The following AKNAD1 variants were observed in gnomAD, a reference collection of about 807,000 sequenced individuals.
The protein encoded by AKNAD1 is AKNA domain containing 1, also known as protein AKNAD1.
In AKNAD1, 67 loss-of-function variants were observed where a neutral mutation model predicts 90.8. That is an observed-to-expected ratio of 0.74 (90% confidence interval 0.61 to 0.90). AKNAD1 has a LOEUF of 0.90. Among genes scored for constraint, AKNAD1 ranks in the 40% least tolerant of loss-of-function variants. AKNAD1 has a pLI of 0.00. For synonymous variants in AKNAD1, 327 were observed against 341.4 expected, an observed-to-expected ratio of 0.96 and a Z score of 0.46; for missense variants, 957 against 975.4, an observed-to-expected ratio of 0.98 and a Z score of 0.25.
intron 9 of AKNAD1, among the ~76,000 whole-genome samples, chr1:108,833,670 G>A (rs1664281179): frequency 6.8e-6 from 1 of 147,326 alleles, no homozygotes; most frequent in South Asian, 2.1e-4. Context: ...TAATAAGCAT[G>A]TATCAGTTTT....
In AKNAD1 at chr1:108,827,402, GC is replaced by G. The variant is rs1664038134; in HGVS notation, c.1839-101del. The G allele has an allele frequency of 3.5e-6, 3 of 859,066 alleles. No homozygotes were observed. The Admixed American group carries it at 5.8e-5, about 17-fold the overall frequency. The allele number at this position is 859,066 out of a possible 1,614,324, so 53.2% of individuals were successfully genotyped here. A position where few individuals can be genotyped will look rare whatever the true frequency, so the allele number is the denominator to read the frequency against. Reference sequence around the variant, plus strand: ...AAACGTTAAATTTTGTTATATTAGAGCCTGGAACAGTGTAGGAGGGGCTTGT... The same window carrying G: ...AAACGTTAAATTTTGTTATATTAGAGCTGGAACAGTGTAGGAGGGGCTTGT... On this transcript the variant is annotated intron_variant, in intron 10 of 15. Coordinates refer to ENST00000370001, the MANE Select transcript of AKNAD1 (RefSeq NM_152763.5).
intron 1 of AKNAD1, among the ~76,000 whole-genome samples, chr1:108,855,904 T>A (rs1213545801): frequency 1.3e-5 from 2 of 148,158 alleles, no homozygotes. Context: ...TTAGACAAGG[T>A]CTCACTCTAT....
At chr1:108,856,036 A>G (rs1167110635) in intron 1 of AKNAD1, among the ~76,000 whole-genome samples, 2 of 151,394 alleles carry the variant, frequency 1.3e-5, no homozygotes, top group Non-Finnish European at 2.9e-5. Flanking sequence ...TTTTTTTTTT[A>G]GAGATGGAGT....
At chr1:108,842,093 C>T (rs1016444248) in intron 6 of AKNAD1, among the ~76,000 whole-genome samples, 3 of 152,010 alleles carry the variant, frequency 2.0e-5, no homozygotes, top group African/African-American at 7.3e-5. Flanking sequence ...TTCTTTCTTC[C>T]TCTCCCCCCA....
chr1:108,830,685 G>A (rs767861873), intron 9 of AKNAD1, 35 bp from the exon 10 acceptor site: 23 of 1,607,328 alleles, frequency 1.4e-5, no homozygotes, highest in Non-Finnish European at 1.9e-5. Flanking sequence ...AGATGTGATA[G>A]AGGATGTGAC....
At chr1:108,830,774 G>A (rs755602166) in intron 9 of AKNAD1, 124 bp from the exon 10 acceptor site, 13 of 827,908 alleles carry the variant, frequency 1.6e-5, no homozygotes, top group Non-Finnish European at 2.6e-5. Flanking sequence ...AGAGAGACTC[G>A]CCAAACCTCT....
chr1:108,848,625 G>C, intron 5 of AKNAD1, 127 bp downstream of exon 5: 1 of 830,308 alleles, frequency 1.2e-6, no homozygotes, highest in African/African-American at 1.7e-5. Context: ...AACAAAGATG[G>C]TTTAATCTTT....
chr1:108,852,171 G>T lies in AKNAD1; in HGVS notation c.494C>A (p.Thr165Asn), dbSNP rs140527469. 11 of 1,613,846 alleles carry T rather than the reference G, an allele frequency of 6.8e-6. No homozygotes were observed. The African/African-American group carries it at 1.5e-4, about 22-fold the overall frequency. Residue 165 changes from threonine to asparagine, a missense_variant, in exon 2 of 16, where the codon ACC (threonine) becomes AAC (asparagine). Transcript: ENST00000370001. ...YNKNSWPKEQ[T>N]PELTDQLNPK... ...GTTGAGTTGGTCAGTGAGTTCTGGG[G>T]TTTGTTCTTTTGGCCAAGAATTCTT... is the stretch of plus-strand genomic sequence containing the variant.
chr1:108,840,654 A>C (rs1664526063), intron 6 of AKNAD1, among the ~76,000 whole-genome samples: 1 of 152,222 alleles, frequency 6.6e-6, no homozygotes, highest in African/African-American at 2.4e-5. Context: ...CACATAGATC[A>C]ATGGGATGGA....
intron 5 of AKNAD1, among the ~76,000 whole-genome samples, chr1:108,844,397 T>C (rs1263016594): frequency 3.4e-5 from 5 of 147,724 alleles, no homozygotes; most frequent in Admixed American, 6.7e-5. Context: ...TATATATATA[T>C]ACCAAAGCCA....
At chr1:108,834,636 C>T (rs900256836) in intron 8 of AKNAD1, 108 bp from the exon 9 acceptor site, 6 of 1,157,752 alleles carry the variant, frequency 5.2e-6, no homozygotes, top group East Asian at 2.6e-5. Flanking sequence ...ATGGTGGGAG[C>T]GAGCAACCTA....
chr1:108,850,435 T>C (rs1208425484), intron 2 of AKNAD1, among the ~76,000 whole-genome samples: 1 of 152,142 alleles, frequency 6.6e-6, no homozygotes, highest in Non-Finnish European at 1.5e-5. Flanking sequence ...ACAATGAGGA[T>C]GTTCTCCTGC....
chr1:108,840,348 A>G (rs1013092324), intron 6 of AKNAD1, among the ~76,000 whole-genome samples: 10 of 152,212 alleles, frequency 6.6e-5, no homozygotes, highest in African/African-American at 2.4e-4. Context: ...AATACTCAGA[A>G]CACTATAAAA....
At chr1:108,848,217 T>C (rs1664753445) in intron 5 of AKNAD1, among the ~76,000 whole-genome samples, 1 of 152,156 alleles carries the variant, frequency 6.6e-6, no homozygotes, top group Non-Finnish European at 1.5e-5. Flanking sequence ...ACCCCATTGC[T>C]CCACCCCCTT....
chr1:108,832,717 G>A (rs1053770051), intron 9 of AKNAD1, among the ~76,000 whole-genome samples: 3 of 152,124 alleles, frequency 2.0e-5, no homozygotes, highest in Non-Finnish European at 2.9e-5. Context: ...AGGAGGAGGT[G>A]CGAGTGGCCA....
At chr1:108,819,543 C>T (rs1767038) in intron 14 of AKNAD1, among the ~76,000 whole-genome samples, 39,148 of 151,428 alleles carry the variant, frequency 0.26, 5,899 homozygotes, top group East Asian at 0.69. Flanking sequence ...TCACTTGAGC[C>T]GAGGAGGTCA....
At chr1:108,822,648 G>A (rs1412568140) in intron 13 of AKNAD1, among the ~76,000 whole-genome samples, 1 of 152,156 alleles carries the variant, frequency 6.6e-6, no homozygotes, top group African/African-American at 2.4e-5. Context: ...TCCCAGAGAA[G>A]GAGAGGAAGA....
At chr1:108,824,260 A>T (rs1181131994) in intron 11 of AKNAD1, among the ~76,000 whole-genome samples, 5 of 152,132 alleles carry the variant, frequency 3.3e-5, no homozygotes, top group African/African-American at 1.2e-4. Context: ...ACGGAACAGC[A>T]CTCCAGGTAA....
At position 108,851,847 on chromosome 1, in the gene AKNAD1, T is replaced by G. The variant is rs1310305633; in HGVS notation, c.818A>C (p.Asn273Thr). The change falls in exon 2 of 16, where the codon AAT (asparagine) becomes ACT (threonine). Residue 273 changes from asparagine to threonine, a missense_variant. Transcript: ENST00000370001. ...KIAPKVKIPK[N>T]KIINKPLAIA... is the part of the protein sequence containing the mutation. ...TGCAAGTGGTTTATTAATTATCTTA[T>G]TTTTAGGAATTTTCACTTTGGGAGC... 6.2e-7 allele frequency: 1 copy of G among 1,613,648 alleles called. No homozygotes were observed. The highest frequency in any genetic ancestry group is 1.7e-5 in the Admixed American group (1 of 59,896).
Sources: gnomAD v4.1 joint callset for allele counts (sites outside exome capture counted in the v4.1 genomes callset) on GRCh38, gnomAD v4.1.1 for gene constraint, MANE v1.5 for transcripts, NCBI Gene and HGNC (gene_info 2026-07-23, HGNC 2026-07-21) for gene names.